The following SATL1 variants were observed in gnomAD, a reference collection of about 807,000 sequenced individuals.
The protein encoded by SATL1 is spermidine/spermine N1-acetyl transferase like 1, also known as spermidine/spermine N(1)-acetyltransferase-like protein 1.
SATL1 carries 47 observed loss-of-function variants against 51.8 expected under a neutral mutation model. The observed-to-expected ratio is 0.91, with a 90% CI of 0.72 to 1.16. The LOEUF (loss-of-function observed/expected upper bound fraction) is 1.16, where lower values mean the gene tolerates loss of function less well. Ranked by LOEUF, SATL1 falls within the 50% of genes most tolerant of loss-of-function variation. The pLI is 0.00. For missense variants in SATL1, 520 were observed against 526.4 expected (o/e 0.99, Z 0.12); for synonymous variants, 176 against 182.4 (o/e 0.97, Z 0.28).
chrX:85,211,100 G>A (rs1346866787), intron 2 of SATL1: 1 of 111,231 alleles, frequency 9.0e-6, no homozygotes, highest in Non-Finnish European at 1.9e-5. Context: ...TAAATCAAAG[G>A]GCAATGAATT....
chrX:85,226,189 A>T (rs1195116054), intron 1 of SATL1, among the ~76,000 whole-genome samples: 1 of 110,998 alleles, frequency 9.0e-6, no homozygotes, highest in African/African-American at 3.3e-5. Flanking sequence ...CTTACAGTCC[A>T]TCACCAGAAA....
At chrX:85,127,957 G>A (rs115018476) in intron 2 of SATL1, among the ~76,000 whole-genome samples, 11,174 of 109,171 alleles carry the variant, frequency 0.1, 486 homozygotes, top group South Asian at 0.21. Flanking sequence ...CATCCATGGC[G>A]CTACAAAGGA....
intron 2 of SATL1, among the ~76,000 whole-genome samples, chrX:85,194,710 C>T (rs1013843405): frequency 1.8e-5 from 2 of 110,622 alleles, no homozygotes; most frequent in Non-Finnish European, 3.8e-5. Context: ...AGGATGAGTT[C>T]ATGTCCTTTG....
At chrX:85,214,593 A>G (rs751454124) in intron 2 of SATL1, among the ~76,000 whole-genome samples, 11 of 111,971 alleles carry the variant, frequency 9.8e-5, no homozygotes, top group African/African-American at 3.6e-4. Context: ...AACTTGTTCC[A>G]GCATCGACTC....
chrX:85,157,583 T>G (rs779372148), intron 2 of SATL1, among the ~76,000 whole-genome samples: 19 of 111,306 alleles, frequency 1.7e-4, no homozygotes, highest in African/African-American at 6.2e-4. Context: ...CACCTATTTT[T>G]CAAATCTCCG....
intron 2 of SATL1, among the ~76,000 whole-genome samples, chrX:85,121,123 G>A (rs1925494389): frequency 9.1e-6 from 1 of 110,306 alleles, no homozygotes; most frequent in Admixed American, 9.9e-5. Flanking sequence ...TGTTTTATCT[G>A]TAAAATGGAA....
chrX:85,115,297 C>T (rs770260501), intron 2 of SATL1, among the ~76,000 whole-genome samples: 20 of 112,517 alleles, frequency 1.8e-4, no homozygotes, highest in African/African-American at 6.4e-4. Flanking sequence ...AGGTGAGTTC[C>T]TCAAAGGGCA....
intron 2 of SATL1, among the ~76,000 whole-genome samples, chrX:85,163,426 A>G (rs943057152): frequency 1.6e-4 from 18 of 110,637 alleles, no homozygotes; most frequent in Non-Finnish European, 3.2e-4. Context: ...TCTCAGCATG[A>G]CTTTTTCTGT....
intron 2 of SATL1, among the ~76,000 whole-genome samples, chrX:85,182,519 C>T (rs182900266): frequency 2.6e-4 from 29 of 111,776 alleles, no homozygotes; most frequent in Admixed American, 1.8e-3. Context: ...GTTTCTATAT[C>T]GTAGCTACCG....
intron 2 of SATL1, among the ~76,000 whole-genome samples, chrX:85,140,925 C>A (rs1926093279): frequency 8.9e-6 from 1 of 111,808 alleles, no homozygotes; most frequent in East Asian, 2.8e-4. Flanking sequence ...TAATAAATCT[C>A]ACATAACAAG....
At position 85,207,900 on chromosome X, in the gene SATL1, A is replaced by G. The variant is rs1207520950; in HGVS notation, c.-313+16305T>C. The G allele has an allele frequency of 7.1e-5, 8 of 112,080 alleles. No individual in the cohort carries two copies. In the Admixed American group the frequency reaches 7.6e-4, roughly 11 times the overall value. 9.2% of individuals were successfully genotyped at this position (112,080 alleles called of 1,213,427 possible). On this transcript the variant is annotated intron_variant, in intron 2 of 7. Transcript: ENST00000644105. ...AGGACAGTCCCAGTATCTGTCTGTTATTATTAATTTTTTAAATTATACTTT... is the reference window on the plus strand; with the variant it reads ...AGGACAGTCCCAGTATCTGTCTGTTGTTATTAATTTTTTAAATTATACTTT...
intron 3 of SATL1, among the ~76,000 whole-genome samples, chrX:85,105,311 T>C (rs898462545): frequency 3.6e-5 from 4 of 111,257 alleles, no homozygotes; most frequent in Non-Finnish European, 7.5e-5. Flanking sequence ...AATATTTATG[T>C]CGATACCTCC....
chrX:85,116,194 T>C (rs1925379544), intron 2 of SATL1: 1 of 111,687 alleles, frequency 9.0e-6, no homozygotes, highest in African/African-American at 3.3e-5. Context: ...CGTATGCTAC[T>C]GGTGGTGAAT....
chrX:85,152,103 C>G (rs1412072452), intron 2 of SATL1, among the ~76,000 whole-genome samples: 1 of 111,097 alleles, frequency 9.0e-6, no homozygotes, highest in Non-Finnish European at 1.9e-5. Flanking sequence ...CTACAATGAA[C>G]TCAAACAAAT....
chrX:85,174,764 A>T (rs758139771), intron 2 of SATL1, among the ~76,000 whole-genome samples: 4 of 112,121 alleles, frequency 3.6e-5, no homozygotes, highest in African/African-American at 6.5e-5. Context: ...TTGCAATAAA[A>T]ATATAATAGA....
At chrX:85,194,886 T>C (rs1179814569) in intron 2 of SATL1, among the ~76,000 whole-genome samples, 1 of 83,805 alleles carries the variant, frequency 1.2e-5, no homozygotes. Context: ...GGTGGGAGGG[T>C]AGGGGAGGGA....
At chrX:85,227,553 T>C (rs1441174904) in intron 1 of SATL1, among the ~76,000 whole-genome samples, 3 of 108,357 alleles carry the variant, frequency 2.8e-5, no homozygotes, top group African/African-American at 9.9e-5. Context: ...GCAAACGTTA[T>C]ATCCAGATCT....
intron 2 of SATL1, among the ~76,000 whole-genome samples, chrX:85,182,516 TA>T (rs1927226319): frequency 8.9e-6 from 1 of 112,066 alleles, no homozygotes; most frequent in African/African-American, 3.2e-5. Flanking sequence ...GTTGTTTCTA[TA>T]TCGTAGCTAC....
chrX:85,151,499 G>A (rs1296730028), intron 2 of SATL1, among the ~76,000 whole-genome samples: 3 of 111,352 alleles, frequency 2.7e-5, no homozygotes, highest in African/African-American at 9.8e-5. Flanking sequence ...AAAGGAGCCT[G>A]CATTGCCAAG....
Sources: gnomAD v4.1 joint callset for allele counts (sites outside exome capture counted in the v4.1 genomes callset) on GRCh38, gnomAD v4.1.1 for gene constraint, MANE v1.5 for transcripts, NCBI Gene and HGNC (gene_info 2026-07-23, HGNC 2026-07-21) for gene names.